The following LYN variants were observed in gnomAD, a reference collection of about 807,000 sequenced individuals.
The protein encoded by LYN is LYN proto-oncogene, Src family tyrosine kinase.
Under a neutral mutation model 65.0 loss-of-function variants are expected in LYN, and 12 were observed. The observed-to-expected ratio is 0.18, with a 90% CI of 0.12 to 0.30. The LOEUF (loss-of-function observed/expected upper bound fraction) is 0.30, where lower values mean the gene tolerates loss of function less well. Among genes scored for constraint, LYN ranks in the 10% least tolerant of loss-of-function variants. The pLI is 1.00. For missense variants in LYN, 380 were observed against 623.2 expected (o/e 0.61, Z 4.16); for synonymous variants, 222 against 221.2 (o/e 1.00, Z -0.03).
At position 55,979,169 on chromosome 8, in the gene LYN, A is replaced by G. The variant is rs141288592; in HGVS notation, c.1050+9376A>G. Among the ~76,000 whole-genome samples the G allele has an allele frequency of 7.2e-3, 1,079 of 149,496 alleles. 12 individuals are homozygous for G. The highest frequency in any genetic ancestry group is 0.025 in the African/African-American group (1,026 of 40,380). On this transcript the variant is annotated intron_variant, in intron 10 of 12. Coordinates refer to ENST00000519728, the MANE Select transcript of LYN (RefSeq NM_002350.4). ...CAAGCAATTCTGCCTCAGCCTCCCG[A>G]GTAGCTGGGATTACAAACGTGTGCC...
chr8:55,940,759 C>T (rs1164646950), intron 1 of LYN, among the ~76,000 whole-genome samples: 2 of 152,206 alleles, frequency 1.3e-5, no homozygotes, highest in Admixed American at 1.3e-4. Context: ...CCTTTGCAGT[C>T]CCCAGAGTGC....
intron 1 of LYN, chr8:55,893,520 T>C (rs150201442): frequency 6.6e-6 from 1 of 152,380 alleles, no homozygotes; most frequent in East Asian, 1.9e-4. Flanking sequence ...TTTCAACTTC[T>C]GTTTCATGTA....
At chr8:55,982,933 C>T (rs1294324486) in intron 10 of LYN, among the ~76,000 whole-genome samples, 2 of 152,108 alleles carry the variant, frequency 1.3e-5, no homozygotes, top group African/African-American at 2.4e-5. Flanking sequence ...CCTGCCTGTC[C>T]CTACCGCCCC....
At chr8:55,937,295 A>G (rs770322058) in intron 1 of LYN, among the ~76,000 whole-genome samples, 1 of 152,234 alleles carries the variant, frequency 6.6e-6, no homozygotes, top group Non-Finnish European at 1.5e-5. Context: ...TTGTGTACAT[A>G]TATTAGGTTG....
intron 1 of LYN, among the ~76,000 whole-genome samples, chr8:55,938,669 T>A (rs1806511505): frequency 3.3e-5 from 5 of 152,254 alleles, no homozygotes. Context: ...TCTTTTGTGG[T>A]AAAACATTTT....
intron 1 of LYN, among the ~76,000 whole-genome samples, chr8:55,880,750 C>T (rs1383128473): frequency 6.6e-6 from 1 of 152,238 alleles, no homozygotes. Context: ...GGTGCTTTTG[C>T]CGGCTGAGAG....
chr8:55,963,090 C>A (rs1807333787), intron 8 of LYN, among the ~76,000 whole-genome samples: 1 of 152,246 alleles, frequency 6.6e-6, no homozygotes, highest in South Asian at 2.1e-4. Context: ...GATCAAATTT[C>A]AACATGAGAT....
intron 1 of LYN, among the ~76,000 whole-genome samples, chr8:55,918,701 C>T (rs567500376): frequency 6.6e-6 from 1 of 152,226 alleles, no homozygotes; most frequent in Admixed American, 6.5e-5. Context: ...GGGGCAGTGT[C>T]CTCATTGTCC....
intron 1 of LYN, among the ~76,000 whole-genome samples, chr8:55,887,365 C>T (rs778797930): frequency 1.3e-5 from 2 of 152,022 alleles, no homozygotes; most frequent in Non-Finnish European, 2.9e-5. Flanking sequence ...TATATGGACA[C>T]ATCATCTATA....
chr8:55,995,525 G>T (rs960595028), intron 10 of LYN, among the ~76,000 whole-genome samples: 1 of 152,184 alleles, frequency 6.6e-6, no homozygotes, highest in Non-Finnish European at 1.5e-5. Context: ...TCAGTGCTGG[G>T]ATGGGTTCAT....
chr8:55,931,798 T>G (rs2130452884), intron 1 of LYN, among the ~76,000 whole-genome samples: 1 of 152,296 alleles, frequency 6.6e-6, no homozygotes, highest in South Asian at 2.1e-4. Flanking sequence ...ATTTGATGTT[T>G]TCTCAAATGT....
At chr8:55,909,010 TACACACAC>T (rs369256669) in intron 1 of LYN, among the ~76,000 whole-genome samples, 1,074 of 32,074 alleles carry the variant, frequency 0.033, 71 homozygotes, top group African/African-American at 0.1. Flanking sequence ...TATATATATA[TACACACAC>T]ACACACACAC....
intron 9 of LYN, among the ~76,000 whole-genome samples, chr8:55,968,428 G>T (rs1585650211): frequency 2.0e-5 from 3 of 152,124 alleles, no homozygotes; most frequent in Admixed American, 2.0e-4. Flanking sequence ...GCTAATTTTT[G>T]TATTTTTTAG....
intron 1 of LYN, among the ~76,000 whole-genome samples, chr8:55,913,281 A>G (rs553291965): frequency 6.6e-6 from 1 of 152,354 alleles, no homozygotes; most frequent in African/African-American, 2.4e-5. Flanking sequence ...AAAGGTATTC[A>G]GATTTTAGTA....
intron 7 of LYN, among the ~76,000 whole-genome samples, chr8:55,952,872 C>T (rs941130213): frequency 1.4e-4 from 21 of 152,106 alleles, no homozygotes; most frequent in Non-Finnish European, 2.6e-4. Context: ...AGTGGCAGGT[C>T]AATGTCCCTG....
rs540656706 is a variant in LYN at position 56,006,309 on chromosome 8, AAT to A, written c.1337-3597_1337-3596del. On this transcript the variant is annotated intron_variant, in intron 12 of 12. Transcript: ENST00000519728. ...CCTTGGTCACAAGCAAAGCTCAGAA[AAT>A]AATAATAGTAATAATAATTTGCCCT... Among the ~76,000 whole-genome samples the A allele has an allele frequency of 2.3e-3, 345 of 152,260 alleles. 4 individuals carry two copies. The highest frequency in any genetic ancestry group is 7.4e-3 in the African/African-American group (306 of 41,544).
At chr8:55,901,290 C>T (rs1329515833) in intron 1 of LYN, among the ~76,000 whole-genome samples, 1 of 152,168 alleles carries the variant, frequency 6.6e-6, no homozygotes, top group Non-Finnish European at 1.5e-5. Context: ...TGATAGAATT[C>T]CTCCACCTCC....
intron 1 of LYN, among the ~76,000 whole-genome samples, chr8:55,909,036 CA>C (rs1563504910): frequency 0.01 from 459 of 44,110 alleles, 46 homozygotes; most frequent in East Asian, 0.045. Flanking sequence ...CACACACACA[CA>C]CACACACACA....
intron 1 of LYN, among the ~76,000 whole-genome samples, chr8:55,885,794 G>A (rs1440255740): frequency 6.6e-6 from 1 of 152,168 alleles, no homozygotes; most frequent in Non-Finnish European, 1.5e-5. Flanking sequence ...GAGAGAAAAG[G>A]CCCCAGAGGA....
Sources: gnomAD v4.1 joint callset for allele counts (sites outside exome capture counted in the v4.1 genomes callset) on GRCh38, gnomAD v4.1.1 for gene constraint, MANE v1.5 for transcripts, NCBI Gene and HGNC (gene_info 2026-07-23, HGNC 2026-07-21) for gene names.